The following JMJD1C variants were observed in gnomAD, a reference collection of about 807,000 sequenced individuals.
JMJD1C encodes jumonji domain containing 1C, also known as jumonji domain-containing protein 1C.
JMJD1C carries 31 observed loss-of-function variants against 245.3 expected under a neutral mutation model. That is an observed-to-expected ratio of 0.13 (90% confidence interval 0.09 to 0.17). The LOEUF is 0.17. Ranked by LOEUF, JMJD1C falls within the 10% of genes least tolerant of loss-of-function variation. The probability of loss-of-function intolerance (pLI) is 1.00; values close to 1 mark genes in which losing one functional copy is unlikely to be tolerated. For missense variants in JMJD1C, 2,691 were observed against 3,000.2 expected (o/e 0.90, Z 2.41); for synonymous variants, 1,057 against 1,017.4 (o/e 1.04, Z -0.74).
Position 63,207,794 on chromosome 10 carries a change from T to C in JMJD1C, c.3875A>G (p.Glu1292Gly), listed in dbSNP as rs372931715. The change falls in exon 10 of 26, where the codon GAG (glutamate) becomes GGG (glycine). Residue 1292 changes from glutamate to glycine, a missense_variant. By Grantham distance (98) the Glu-to-Gly change is moderately conservative (BLOSUM62 -2). This residue lies in a region of JMJD1C where 1,562 missense variants were observed against 1,490.7 expected (regional missense o/e 1.05). Coordinates refer to ENST00000399262, the MANE Select transcript of JMJD1C (RefSeq NM_032776.3). Reference protein sequence around the residue: ...LSKEKTEWHVEKSSGKLQAAM... With the variant: ...LSKEKTEWHVGKSSGKLQAAM... ...AGCCTGTAACTTTCCGCTGCTTTTC[T>C]CCACATGCCATTCAGTTTTCTCTTT... The C allele has an allele frequency of 3.7e-6, 6 of 1,614,100 alleles. No homozygotes were observed. Among genetic ancestry groups the C allele is most frequent in the Non-Finnish European group, 4.2e-6 (5 of 1,180,030 alleles).
intron 1 of JMJD1C, among the ~76,000 whole-genome samples, chr10:63,434,983 C>T (rs977092411): frequency 2.0e-5 from 3 of 152,222 alleles, no homozygotes; most frequent in African/African-American, 7.2e-5. Context: ...CTTCCTCATA[C>T]CAATAGCATA....
intron 2 of JMJD1C, among the ~76,000 whole-genome samples, chr10:63,375,057 G>A (rs1296343252): frequency 3.9e-5 from 6 of 152,022 alleles, no homozygotes; most frequent in African/African-American, 1.4e-4. Flanking sequence ...ACTATGTTGA[G>A]TGGACATGGC....
At chr10:63,506,197 C>A (rs1292012664) in intron 1 of JMJD1C, among the ~76,000 whole-genome samples, 1 of 152,006 alleles carries the variant, frequency 6.6e-6, no homozygotes, top group East Asian at 1.9e-4. Flanking sequence ...TTTGCTGGAA[C>A]TAAGTTGATC....
chr10:63,275,225 A>G (rs906971681), intron 2 of JMJD1C, among the ~76,000 whole-genome samples: 2 of 152,312 alleles, frequency 1.3e-5, no homozygotes, highest in Admixed American at 1.3e-4. Context: ...TTTTTACATC[A>G]TAAGATGGTG....
Position 63,168,375 on chromosome 10 carries a change from G to A in JMJD1C, c.7533+60C>T, listed in dbSNP as rs201924358. 161 of 1,515,890 alleles carry A rather than the reference G, an allele frequency of 1.1e-4. 4 individuals are homozygous for A. In the South Asian group the frequency reaches 1.9e-3, roughly 18 times the overall value. 93.9% of individuals were successfully genotyped at this position (1,515,890 alleles called of 1,614,324 possible). ...AATGACTGCCTAAGCTGTTATACATGTATCATATTTCTGAATATAAAAAGC... is the reference window on the plus strand; with the variant it reads ...AATGACTGCCTAAGCTGTTATACATATATCATATTTCTGAATATAAAAAGC... On this transcript the variant is annotated intron_variant, in intron 25 of 25. Transcript: ENST00000399262.
At chr10:63,183,400 G>C (rs374168383) in intron 22 of JMJD1C, 47 bp downstream of exon 22, 1 of 1,525,848 alleles carries the variant, frequency 6.6e-7, no homozygotes, top group African/African-American at 1.4e-5. Flanking sequence ...TAGTGAATGT[G>C]ATTATTCAAC....
intron 2 of JMJD1C, among the ~76,000 whole-genome samples, chr10:63,380,027 A>C (rs1416548471): frequency 1.3e-5 from 2 of 150,930 alleles, no homozygotes; most frequent in African/African-American, 4.9e-5. Flanking sequence ...ATTGACTTGG[A>C]TTCTTGGGCT....
chr10:63,298,192 C>T (rs1859665258), intron 2 of JMJD1C, among the ~76,000 whole-genome samples: 1 of 152,194 alleles, frequency 6.6e-6, no homozygotes, highest in Admixed American at 6.5e-5. Context: ...TCCTGGCTCG[C>T]CCTTGATAGG....
chr10:63,496,287 T>C (rs1954364836), intron 1 of JMJD1C, among the ~76,000 whole-genome samples: 2 of 152,154 alleles, frequency 1.3e-5, no homozygotes, highest in South Asian at 2.1e-4. Flanking sequence ...GAAGAAACTT[T>C]AGAAACTTAA....
At chr10:63,353,663 G>A (rs561212240) in intron 2 of JMJD1C, among the ~76,000 whole-genome samples, 98 of 150,124 alleles carry the variant, frequency 6.5e-4, no homozygotes, top group African/African-American at 2.2e-3. Context: ...TTACAGGCGC[G>A]CACCACCACG....
intron 2 of JMJD1C, among the ~76,000 whole-genome samples, chr10:63,324,984 AG>A (rs1173339648): frequency 6.6e-6 from 1 of 152,202 alleles, no homozygotes; most frequent in Non-Finnish European, 1.5e-5. Context: ...AAGCCATCAT[AG>A]GTGGCCTTTA....
chr10:63,393,125 GGATGT>G (rs1327616811), intron 1 of JMJD1C, among the ~76,000 whole-genome samples: 1 of 151,864 alleles, frequency 6.6e-6, no homozygotes, highest in African/African-American at 2.4e-5. Flanking sequence ...AAAATTAGCC[GGATGT>G]GGTGGTGGAC....
intron 2 of JMJD1C, among the ~76,000 whole-genome samples, chr10:63,364,985 A>G (rs78441038): frequency 1.2e-3 from 188 of 152,320 alleles, no homozygotes; most frequent in East Asian, 4.4e-3. Context: ...TATTTCCAAA[A>G]TTCTATTGTA....
intron 2 of JMJD1C, among the ~76,000 whole-genome samples, chr10:63,291,501 G>C (rs779613621): frequency 2.0e-5 from 3 of 151,244 alleles, no homozygotes; most frequent in Non-Finnish European, 2.9e-5. Context: ...TGTAATCCCA[G>C]CTACTTGGGA....
intron 1 of JMJD1C, among the ~76,000 whole-genome samples, chr10:63,453,094 G>A (rs1241066397): frequency 6.6e-6 from 1 of 152,144 alleles, no homozygotes; most frequent in Non-Finnish European, 1.5e-5. Flanking sequence ...GGCAAACAGA[G>A]CAAAACCCCA....
intron 3 of JMJD1C, among the ~76,000 whole-genome samples, chr10:63,232,367 T>A (rs1850137185): frequency 6.6e-6 from 1 of 152,196 alleles, no homozygotes; most frequent in Admixed American, 6.5e-5. Flanking sequence ...AAAAATTTTT[T>A]AAAACTGCAT....
chr10:63,359,949 A>T (rs1350729854), intron 2 of JMJD1C, among the ~76,000 whole-genome samples: 2 of 152,174 alleles, frequency 1.3e-5, no homozygotes, highest in Non-Finnish European at 2.9e-5. Flanking sequence ...GTTCCTTAAA[A>T]AAAAGGTATG....
rs757188888 is a variant in JMJD1C at position 63,362,433 on chromosome 10, CA to C, written c.333+17884del. Reference sequence around the variant, plus strand: ...TAGGCAAAAACTTAGTTGTAAATCACAATAGTTTAAATAGTTCAGTTACACA... The same window carrying C: ...TAGGCAAAAACTTAGTTGTAAATCACATAGTTTAAATAGTTCAGTTACACA... On this transcript the variant is annotated intron_variant, in intron 2 of 25. Coordinates refer to ENST00000399262, the MANE Select transcript of JMJD1C (RefSeq NM_032776.3). Among the ~76,000 whole-genome samples the C allele has an allele frequency of 3.2e-4, 49 of 151,182 alleles. No individual in the cohort carries two copies. The East Asian group carries it at 8.7e-3, about 27-fold the overall frequency.
At chr10:63,186,096 T>G (rs1844098293) in intron 19 of JMJD1C, 119 bp downstream of exon 19, 3 of 788,802 alleles carry the variant, frequency 3.8e-6, no homozygotes, top group Non-Finnish European at 4.0e-6. Flanking sequence ...TACTTGTTTC[T>G]TTTTATTAGA....
Sources: allele counts gnomAD v4.1 joint callset (sites outside exome capture counted in the v4.1 genomes callset), GRCh38; gene constraint gnomAD v4.1.1; regional missense constraint gnomAD v4.1.1; transcripts MANE v1.5; gene names NCBI Gene and HGNC (gene_info 2026-07-23, HGNC 2026-07-21).